The following ALK variants were observed in gnomAD, a reference collection of about 807,000 sequenced individuals.
ALK encodes the protein ALK receptor tyrosine kinase.
A neutral mutation model predicts 163.1 loss-of-function variants in ALK; 74 were observed. The observed-to-expected ratio is 0.45, with a 90% CI of 0.38 to 0.55. The LOEUF is 0.55. Among genes scored for constraint, ALK ranks in the 20% least tolerant of loss-of-function variants. ALK has a pLI of 0.00. For synonymous variants in ALK, 960 were observed against 843.2 expected (o/e 1.14, Z -2.40); for missense variants, 2,063 against 2,105.3 (o/e 0.98, Z 0.39).
At chr2:29,715,480 G>T (rs1315949013) in intron 2 of ALK, among the ~76,000 whole-genome samples, 1 of 152,142 alleles carries the variant, frequency 6.6e-6, no homozygotes, top group African/African-American at 2.4e-5. Context: ...TGAAGCTCAG[G>T]GAGCACCACA....
chr2:29,216,972 G>A (rs1037078634), intron 23 of ALK, among the ~76,000 whole-genome samples: 3 of 144,338 alleles, frequency 2.1e-5, no homozygotes, highest in African/African-American at 5.1e-5. Flanking sequence ...TGGTGTGTGC[G>A]TGGTGTGTGT....
chr2:29,789,237 C>T (rs538833593), intron 1 of ALK, among the ~76,000 whole-genome samples: 4 of 152,120 alleles, frequency 2.6e-5, no homozygotes, highest in Non-Finnish European at 5.9e-5. Flanking sequence ...TATTTTTTTA[C>T]AGAGCAAATG....
chr2:29,289,164 TGA>T (rs1665950232), intron 9 of ALK, among the ~76,000 whole-genome samples: 3 of 151,984 alleles, frequency 2.0e-5, no homozygotes, highest in African/African-American at 7.2e-5. Flanking sequence ...CTTGGTTCAG[TGA>T]GAATGCCATC....
intron 3 of ALK, among the ~76,000 whole-genome samples, chr2:29,621,187 T>C (rs529176829): frequency 9.7e-4 from 147 of 152,154 alleles, no homozygotes; most frequent in Non-Finnish European, 1.6e-3. Flanking sequence ...TGAGCTGATA[T>C]TTAAGATCTA....
In ALK at chr2:29,920,746, C is replaced by T. The variant is rs1270738323; in HGVS notation, c.-87G>A. On this transcript the variant is annotated 5_prime_UTR_variant, in exon 1 of 29. Transcript: ENST00000389048. Reference sequence around the variant, plus strand: ...AGATGGGAAGAGGCTCTGAACAGTCCTTGGTACCCAGCGGCTCCTTCCACC... The same window carrying T: ...AGATGGGAAGAGGCTCTGAACAGTCTTTGGTACCCAGCGGCTCCTTCCACC... 1.6e-6 allele frequency: 2 copies of T among 1,240,456 alleles called. No homozygotes were observed. The highest frequency in any genetic ancestry group is 1.3e-5 in the South Asian group (1 of 75,340). 76.8% of individuals were successfully genotyped at this position (1,240,456 alleles called of 1,614,324 possible).
chr2:29,230,308 T>G, intron 15 of ALK, among the ~76,000 whole-genome samples: 1 of 149,980 alleles, frequency 6.7e-6, no homozygotes, highest in African/African-American at 2.5e-5. Context: ...TTTTTTTGAG[T>G]ATTTTTGATC....
intron 1 of ALK, among the ~76,000 whole-genome samples, chr2:29,764,635 T>A (rs978459903): frequency 6.6e-6 from 1 of 152,144 alleles, no homozygotes; most frequent in Non-Finnish European, 1.5e-5. Context: ...GCTTAATATA[T>A]CCCATTAGGG....
intron 4 of ALK, among the ~76,000 whole-genome samples, chr2:29,411,766 C>A (rs184797489): frequency 6.6e-6 from 1 of 152,238 alleles, no homozygotes; most frequent in African/African-American, 2.4e-5. Context: ...TCCTCAGGAA[C>A]CACCTCTAGG....
chr2:29,704,015 A>C (rs938522349), intron 2 of ALK, among the ~76,000 whole-genome samples: 2 of 152,164 alleles, frequency 1.3e-5, no homozygotes, highest in East Asian at 3.8e-4. Flanking sequence ...CTCAGGCTTC[A>C]CTTACTGGCC....
chr2:29,199,062 G>A (rs886394419), intron 26 of ALK, among the ~76,000 whole-genome samples: 55 of 150,440 alleles, frequency 3.7e-4, no homozygotes, highest in Admixed American at 2.7e-3. Flanking sequence ...CAAGTGATTC[G>A]CCTGCCTCAG....
At chr2:29,541,462 T>G (rs1673411138) in intron 3 of ALK, among the ~76,000 whole-genome samples, 1 of 152,146 alleles carries the variant, frequency 6.6e-6, no homozygotes, top group Non-Finnish European at 1.5e-5. Flanking sequence ...AGCTAATTTT[T>G]GTATTTTTAC....
intron 3 of ALK, among the ~76,000 whole-genome samples, chr2:29,675,090 G>A (rs1025943229): frequency 4.0e-5 from 6 of 151,722 alleles, no homozygotes; most frequent in Non-Finnish European, 8.8e-5. Flanking sequence ...TCTTGCTAGT[G>A]CTTCCAGGAC....
intron 1 of ALK, among the ~76,000 whole-genome samples, chr2:29,913,177 T>C (rs1234349183): frequency 6.6e-6 from 1 of 152,088 alleles, no homozygotes; most frequent in Non-Finnish European, 1.5e-5. Flanking sequence ...TGGGTGTATC[T>C]TCCCCAAGGG....
intron 23 of ALK, 149 bp from the exon 24 acceptor site, chr2:29,214,230 C>A: frequency 1.5e-6 from 1 of 688,674 alleles, no homozygotes; most frequent in South Asian, 1.7e-5. Flanking sequence ...CATTAGAAAT[C>A]ACCTGGAGGC....
intron 8 of ALK, among the ~76,000 whole-genome samples, chr2:29,310,974 T>C (rs1394517177): frequency 2.0e-5 from 3 of 152,212 alleles, no homozygotes; most frequent in East Asian, 1.9e-4. Context: ...AGAGAGCCTT[T>C]GGAAAAAGCC....
rs142530586 is a variant in ALK at position 29,876,962 on chromosome 2, G to C, written c.667+43031C>G. Among the ~76,000 whole-genome samples the C allele has an allele frequency of 1.4e-3, 219 of 152,106 alleles. 2 individuals are homozygous for C. Among genetic ancestry groups the C allele is most frequent in the African/African-American group, 5.1e-3 (213 of 41,460 alleles). On this transcript the variant is annotated intron_variant, in intron 1 of 28. Transcript: ENST00000389048. ...TCCTTCCATCTTTCTTAGCTTCCTT[G>C]GTCCTGACTTCTCCCTGAAATATCT...
intron 25 of ALK, among the ~76,000 whole-genome samples, chr2:29,209,088 G>GTGTT (rs1394672621): frequency 6.6e-6 from 1 of 151,706 alleles, no homozygotes; most frequent in Non-Finnish European, 1.5e-5. Flanking sequence ...GATGCCTGCG[G>GTGTT]TGTTAGAAGC....
At chr2:29,408,150 TTGGCTCA>T (rs1477530510) in intron 4 of ALK, among the ~76,000 whole-genome samples, 2 of 151,380 alleles carry the variant, frequency 1.3e-5, no homozygotes, top group Non-Finnish European at 2.9e-5. Flanking sequence ...TGGTGCCATC[TTGGCTCA>T]CTGCAAACTC....
At position 29,275,188 on chromosome 2, in the gene ALK, T is replaced by C. The variant is rs781241903; in HGVS notation, c.1952A>G (p.Lys651Arg). ...EDKILQNTAP[K>R]SRNLFERNPN... is the part of the protein sequence containing the mutation. ...GTTTCTCTCAAACAGGTTTCTTGAT[T>C]TGGGTGCTGTATTCTGCAGGATCTT... is the stretch of plus-strand genomic sequence containing the variant. Residue 651 changes from lysine to arginine, a missense_variant, in exon 11 of 29, where the codon AAA becomes AGA. Lys to Arg is a conservative substitution (Grantham distance 26, BLOSUM62 2). Around this residue, in one of 5 missense-constraint regions of ALK, gnomAD observed 987 missense variants for 939.5 expected, o/e 1.05. Transcript: ENST00000389048. 6.2e-7 allele frequency: 1 copy of C among 1,614,156 alleles called. No individual in the cohort carries two copies.
Sources: gnomAD v4.1 joint callset for allele counts (sites outside exome capture counted in the v4.1 genomes callset) on GRCh38, gnomAD v4.1.1 for gene constraint, gnomAD v4.1.1 regional missense constraint, MANE v1.5 for transcripts, NCBI Gene and HGNC (gene_info 2026-07-23, HGNC 2026-07-21) for gene names.